Variants in MED13 observed in about 807,000 individuals in gnomAD.
The protein encoded by MED13 is mediator complex subunit 13.
A neutral mutation model predicts 225.2 loss-of-function variants in MED13; 23 were observed. The observed-to-expected ratio is 0.10, with a 90% confidence interval of 0.07 to 0.14. The LOEUF (loss-of-function observed/expected upper bound fraction) is 0.14. MED13 is among the 10% of genes least tolerant of loss of function. The pLI, the probability that MED13 is intolerant of heterozygous loss-of-function variation, is 1.00. For synonymous variants in MED13, 942 were observed against 889.2 expected, an observed-to-expected ratio of 1.06 and a Z score of -1.06; for missense variants, 2,197 against 2,594.5, an observed-to-expected ratio of 0.85 and a Z score of 3.33.
At position 62,009,203 on chromosome 17, in the gene MED13, TAGAC is replaced by T. The variant is rs753132735; in HGVS notation, c.1967+1343_1967+1346del. Among the ~76,000 whole-genome samples the T allele has an allele frequency of 1.2e-4, 18 of 152,278 alleles. No homozygotes were observed. The East Asian group carries it at 2.7e-3, about 23-fold the overall frequency. ...AAAAATTTATATGTAAAAGGCTTAT[TAGAC>T]AGACTATAAATGTATTAATAACAAC... On this transcript the variant is annotated intron_variant, in intron 9 of 29. Transcript: ENST00000397786.
intron 8 of MED13, among the ~76,000 whole-genome samples, chr17:62,020,342 T>C (rs2080627926): frequency 6.6e-6 from 1 of 152,140 alleles, no homozygotes; most frequent in Non-Finnish European, 1.5e-5. Flanking sequence ...GAATACATCA[T>C]TGAGACTTTC....
intron 11 of MED13, among the ~76,000 whole-genome samples, chr17:61,990,604 C>T (rs931408091): frequency 4.3e-5 from 6 of 140,656 alleles, no homozygotes; most frequent in African/African-American, 1.1e-4. Context: ...TATATATATA[C>T]ACACACACAC....
At position 61,956,359 on chromosome 17, in the gene MED13, A is replaced by G; in HGVS notation, c.5603T>C (p.Ile1868Thr). The part of the protein sequence containing the change: ...WRVVIGRLGR[I>T]GHGELKDWSC... ...TTTACCTTTCAATTCTCCATGACCAATCCTTCCTAGACGACCAATTACAAC... is the reference window on the plus strand; with the variant it reads ...TTTACCTTTCAATTCTCCATGACCAGTCCTTCCTAGACGACCAATTACAAC... Residue 1868 changes from isoleucine (I) to threonine (T), a missense_variant, in exon 24 of 30, where the codon ATT becomes ACT. Transcript: ENST00000397786. 2 of 1,611,998 alleles carry G rather than the reference A, an allele frequency of 1.2e-6. No individual in the cohort carries two copies. Among genetic ancestry groups the G allele is most frequent in the Non-Finnish European group, 1.7e-6 (2 of 1,179,522 alleles).
At chr17:61,986,007 T>C (rs2080244419) in intron 12 of MED13, among the ~76,000 whole-genome samples, 1 of 152,218 alleles carries the variant, frequency 6.6e-6, no homozygotes, top group Admixed American at 6.6e-5. Context: ...TTTTCAGAGC[T>C]AACATTTGTT....
intron 3 of MED13, among the ~76,000 whole-genome samples, chr17:62,049,823 G>A (rs986709484): frequency 5.9e-5 from 9 of 151,322 alleles, no homozygotes; most frequent in Non-Finnish European, 8.8e-5. Context: ...CCAGCTACTC[G>A]GGAGGCTGAG....
chr17:61,999,625 T>C (rs907770370), intron 9 of MED13, among the ~76,000 whole-genome samples: 3 of 152,206 alleles, frequency 2.0e-5, no homozygotes, highest in East Asian at 3.8e-4. Flanking sequence ...ATTTTACTTT[T>C]ACAAACATAG....
chr17:61,952,042 C>T (rs147876652), intron 27 of MED13, among the ~76,000 whole-genome samples: 5 of 152,078 alleles, frequency 3.3e-5, no homozygotes, highest in East Asian at 1.9e-4. Flanking sequence ...GGAGTACAGA[C>T]GCCTGCCACA....
intron 3 of MED13, among the ~76,000 whole-genome samples, chr17:62,039,881 G>T (rs982372828): frequency 2.6e-5 from 4 of 152,198 alleles, no homozygotes; most frequent in African/African-American, 9.6e-5. Context: ...TTACAGGCGT[G>T]AGCCACTGTG....
Position 61,956,384 on chromosome 17 carries a change from C to G in MED13, c.5578G>C (p.Val1860Leu). The change falls in exon 24 of 30, where the codon GTT becomes CTT. Residue 1860 changes from valine (V) to leucine (L), a missense_variant. Physicochemically the swap from Val to Leu is conservative, Grantham distance 32 (BLOSUM62 1). Transcript: ENST00000397786. ...ATCCTTCCTAGACGACCAATTACAA[C>G]TCTCCATGGCAATGAACTCATTTGT... ...LVQMSSLPWR[V>L]VIGRLGRIGH... 1 of 1,613,898 alleles carries G rather than the reference C, an allele frequency of 6.2e-7. No individual in the cohort carries two copies. Among genetic ancestry groups the G allele is most frequent in the Non-Finnish European group, 8.5e-7 (1 of 1,179,908 alleles).
chr17:62,031,645 G>A lies in MED13; in HGVS notation c.815-7C>T, dbSNP rs1334750164. The A allele has an allele frequency of 7.9e-6, 12 of 1,517,892 alleles. No homozygotes were observed. The highest frequency in any genetic ancestry group is 7.0e-5 in the African/African-American group (5 of 71,400). 94.0% of individuals were successfully genotyped at this position (1,517,892 alleles called of 1,614,324 possible). Reference sequence around the variant, plus strand: ...TAGATCATTCGGACACCAGCTGAAAGGAAAAAAATGGGACAGGAAAACCAA... The same window carrying A: ...TAGATCATTCGGACACCAGCTGAAAAGAAAAAAATGGGACAGGAAAACCAA... On this transcript the variant is annotated splice_polypyrimidine_tract_variant and splice_region_variant and intron_variant, in intron 5 of 29. Coordinates refer to ENST00000397786, the MANE Select transcript of MED13 (RefSeq NM_005121.3).
chr17:62,001,715 T>C (rs1426895809), intron 9 of MED13, among the ~76,000 whole-genome samples: 1 of 152,196 alleles, frequency 6.6e-6, no homozygotes, highest in Non-Finnish European at 1.5e-5. Flanking sequence ...CCACTCTGTG[T>C]CTGTACTATA....
chr17:62,031,960 T>C (rs2080761463), intron 5 of MED13, among the ~76,000 whole-genome samples: 1 of 152,116 alleles, frequency 6.6e-6, no homozygotes, highest in African/African-American at 2.4e-5. Flanking sequence ...ACCAACTTAA[T>C]GTGTATTACT....
chr17:61,970,679 CAAAAAAAAAAAAAAA>C (rs10600340), intron 17 of MED13, among the ~76,000 whole-genome samples: 29 of 46,926 alleles, frequency 6.2e-4, no homozygotes, highest in African/African-American at 2.5e-3. Flanking sequence ...GAGACTGTCT[CAAAAAAAAAAAAAAA>C]AAAAAAAAAG....
At chr17:61,950,087 A>T (rs528490875) in intron 28 of MED13, among the ~76,000 whole-genome samples, 79 of 152,348 alleles carry the variant, frequency 5.2e-4, no homozygotes, top group African/African-American at 1.7e-3. Flanking sequence ...CCCAGGTTTC[A>T]GTCTTGAGTC....
In MED13 at chr17:61,966,387, A is replaced by G. The variant is rs1176838636; in HGVS notation, c.4381+75T>C. On this transcript the variant is annotated intron_variant, in intron 19 of 29. Coordinates refer to ENST00000397786, the MANE Select transcript of MED13 (RefSeq NM_005121.3). ...GATGGCTGTGTTCCAATAAAATTTT[A>G]TCTACAAAAACAGCTGGTGGAGCAG... The G allele has an allele frequency of 7.6e-6, 9 of 1,184,936 alleles. No homozygotes were observed. In the Admixed American group the frequency reaches 1.2e-4, roughly 16 times the overall value. 73.4% of individuals were successfully genotyped at this position (1,184,936 alleles called of 1,614,324 possible).
chr17:62,002,729 A>G (rs998912448), intron 9 of MED13, among the ~76,000 whole-genome samples: 2 of 152,206 alleles, frequency 1.3e-5, no homozygotes, highest in Admixed American at 1.3e-4. Context: ...TTTTTGTTTC[A>G]GCATATAAAA....
At chr17:62,008,673 C>T in intron 9 of MED13, among the ~76,000 whole-genome samples, 1 of 151,980 alleles carries the variant, frequency 6.6e-6, no homozygotes, top group Non-Finnish European at 1.5e-5. Flanking sequence ...TTATCTCCCA[C>T]TCTTCCCCCC....
rs1160129186 is a variant in MED13 at position 61,955,428 on chromosome 17, A to G, written c.5922T>C (p.Ala1974=). 45 of 1,587,684 alleles carry G rather than the reference A, an allele frequency of 2.8e-5. No homozygotes were observed. The highest frequency in any genetic ancestry group is 3.8e-5 in the Non-Finnish European group (45 of 1,171,436). ...AATCCAAATTTTCAGTGGTATAAGT[A>G]GCTGAAGCTACTTGCACAGAAGCAG... is the stretch of plus-strand genomic sequence containing the variant. The part of the protein sequence containing the change: ...PTSASVQVAS[A]TYTTENLDLA... Residue 1974 remains alanine, a synonymous_variant, in exon 26 of 30, where the codon GCT becomes GCC. Transcript: ENST00000397786.
intron 16 of MED13, among the ~76,000 whole-genome samples, chr17:61,975,158 A>C (rs993155308): frequency 1.2e-4 from 19 of 152,042 alleles, no homozygotes; most frequent in Non-Finnish European, 2.5e-4. Context: ...AAAAAATGAA[A>C]AGACAATCCA....
Sources: allele counts gnomAD v4.1 joint callset (sites outside exome capture counted in the v4.1 genomes callset), GRCh38; gene constraint gnomAD v4.1.1; transcripts MANE v1.5; gene names NCBI Gene and HGNC (gene_info 2026-07-23, HGNC 2026-07-21).